NFIA: variants seen among roughly 807,000 people sequenced by gnomAD.
The protein encoded by NFIA is nuclear factor 1 A-type.
In NFIA, 8 loss-of-function variants were observed where a neutral mutation model predicts 62.8. That is an observed-to-expected ratio of 0.13 (90% CI 0.07 to 0.23). The LOEUF is 0.23. Among genes scored for constraint, NFIA ranks in the 10% least tolerant of loss-of-function variants. The probability of loss-of-function intolerance (pLI) is 1.00; values close to 1 mark genes in which losing one functional copy is unlikely to be tolerated. For synonymous variants in NFIA, 235 were observed against 238.1 expected, an observed-to-expected ratio of 0.99 and a Z score of 0.12; for missense variants, 410 against 642.1, an observed-to-expected ratio of 0.64 and a Z score of 3.91.
intron 3 of NFIA, among the ~76,000 whole-genome samples, chr1:61,306,298 A>G (rs1356247115): frequency 8.5e-5 from 2 of 23,534 alleles, no homozygotes; most frequent in Non-Finnish European, 2.1e-4. Flanking sequence ...TTTTTTTAAG[A>G]CAGAGTCTCA....
At chr1:61,330,859 A>G (rs961100734) in intron 3 of NFIA, among the ~76,000 whole-genome samples, 1 of 152,100 alleles carries the variant, frequency 6.6e-6, no homozygotes, top group Admixed American at 6.5e-5. Flanking sequence ...TTATTGTTCT[A>G]TGTGTTTTAA....
intron 2 of NFIA, among the ~76,000 whole-genome samples, chr1:61,175,922 T>C (rs1470607459): frequency 2.0e-5 from 3 of 152,172 alleles, no homozygotes; most frequent in Non-Finnish European, 2.9e-5. Flanking sequence ...GCAAAGACAA[T>C]ACAGCTTGAT....
At chr1:61,349,509 A>G (rs1662432327) in intron 4 of NFIA, among the ~76,000 whole-genome samples, 1 of 152,120 alleles carries the variant, frequency 6.6e-6, no homozygotes, top group South Asian at 2.1e-4. Context: ...GAGTTATCCC[A>G]TACTCCCCTG....
intron 3 of NFIA, among the ~76,000 whole-genome samples, chr1:61,317,206 ATTCT>A (rs976310908): frequency 3.3e-5 from 5 of 152,132 alleles, no homozygotes; most frequent in African/African-American, 1.2e-4. Context: ...GCCATTTTTA[ATTCT>A]TTCTCTATAT....
chr1:61,210,798 T>C (rs1473068282), intron 2 of NFIA, among the ~76,000 whole-genome samples: 1 of 152,212 alleles, frequency 6.6e-6, no homozygotes, highest in Admixed American at 6.5e-5. Flanking sequence ...AGCATTTTTA[T>C]CCCCTTTCCT....
At chr1:61,440,289 C>G (rs1386915570) in intron 10 of NFIA, among the ~76,000 whole-genome samples, 6 of 152,144 alleles carry the variant, frequency 3.9e-5, no homozygotes, top group Admixed American at 3.9e-4. Context: ...TAAGGGGAAT[C>G]CCACTATCAT....
At chr1:61,387,478 T>TTTTTTTTG (rs1664760143) in intron 7 of NFIA, among the ~76,000 whole-genome samples, 1 of 142,810 alleles carries the variant, frequency 7.0e-6, no homozygotes, top group Admixed American at 7.0e-5. Context: ...CTTTTTTTTT[T>TTTTTTTTG]TTTTTTTTTT....
At chr1:61,374,654 C>A (rs531604184) in intron 6 of NFIA, among the ~76,000 whole-genome samples, 1 of 152,246 alleles carries the variant, frequency 6.6e-6, no homozygotes, top group Non-Finnish European at 1.5e-5. Context: ...ACTCCATACT[C>A]CCATTTTTTA....
At chr1:61,089,092 C>G (rs949468039) in intron 2 of NFIA, among the ~76,000 whole-genome samples, 1 of 152,040 alleles carries the variant, frequency 6.6e-6, no homozygotes, top group African/African-American at 2.4e-5. Flanking sequence ...TGTTTTTAAC[C>G]TACTGAGGCC....
chr1:61,116,635 A>G (rs1035466208), intron 2 of NFIA, among the ~76,000 whole-genome samples: 6 of 152,242 alleles, frequency 3.9e-5, no homozygotes, highest in Admixed American at 6.5e-5. Flanking sequence ...GAATTGCCGT[A>G]TAGTCATCAG....
At chr1:61,138,565 G>GTTTATTTA (rs111808933) in intron 2 of NFIA, among the ~76,000 whole-genome samples, 25 of 142,592 alleles carry the variant, frequency 1.8e-4, no homozygotes, top group Middle Eastern at 3.5e-3. Context: ...TTGTTTGTTT[G>GTTTATTTA]TTTATTTATT....
chr1:61,419,529 G>A (rs112598301), intron 9 of NFIA, among the ~76,000 whole-genome samples: 13 of 152,238 alleles, frequency 8.5e-5, no homozygotes, highest in African/African-American at 2.2e-4. Flanking sequence ...AGGTCAAAGC[G>A]TCTCCAGTTG....
chr1:61,128,915 G>GTTTTTTTTTTTTTTTTT (rs10635152), intron 2 of NFIA, among the ~76,000 whole-genome samples: 1 of 74,124 alleles, frequency 1.3e-5, no homozygotes, highest in Non-Finnish European at 2.3e-5. Context: ...GCTTACTTAT[G>GTTTTTTTTTTTTTTTTT]TTTTTTTTTT....
chr1:61,228,719 G>A (rs912804880), intron 2 of NFIA, among the ~76,000 whole-genome samples: 2 of 151,900 alleles, frequency 1.3e-5, no homozygotes, highest in African/African-American at 4.8e-5. Context: ...AAGGTTTTCG[G>A]TGTAATGTTA....
chr1:61,335,260 G>A (rs1285697578), intron 4 of NFIA, among the ~76,000 whole-genome samples: 4 of 152,178 alleles, frequency 2.6e-5, no homozygotes, highest in Admixed American at 6.5e-5. Flanking sequence ...CTGTAGTCAG[G>A]AGACCCCTTT....
At chr1:61,345,045 A>C (rs1315031233) in intron 4 of NFIA, among the ~76,000 whole-genome samples, 3 of 152,196 alleles carry the variant, frequency 2.0e-5, no homozygotes, top group Non-Finnish European at 4.4e-5. Context: ...ATAGCAAACC[A>C]TTTATTAAGA....
At chr1:61,161,577 G>A (rs911310126) in intron 2 of NFIA, among the ~76,000 whole-genome samples, 2 of 118,640 alleles carry the variant, frequency 1.7e-5, no homozygotes, top group African/African-American at 3.2e-5. Context: ...CTAGACATGC[G>A]CCATGTGCAA....
At chr1:61,303,486 C>A (rs753382915) in intron 3 of NFIA, among the ~76,000 whole-genome samples, 5 of 152,140 alleles carry the variant, frequency 3.3e-5, no homozygotes, top group African/African-American at 4.8e-5. Flanking sequence ...TGGCCACAAA[C>A]ACATTGCTAA....
At chr1:61,100,242 C>T (rs1020704345) in intron 2 of NFIA, among the ~76,000 whole-genome samples, 2 of 152,108 alleles carry the variant, frequency 1.3e-5, no homozygotes, top group African/African-American at 2.4e-5. Flanking sequence ...ACTATGGAGA[C>T]GGGAACTTCT....
Sources: allele counts gnomAD v4.1 joint callset (sites outside exome capture counted in the v4.1 genomes callset), GRCh38; gene constraint gnomAD v4.1.1; transcripts MANE v1.5; gene names NCBI Gene and HGNC (gene_info 2026-07-23, HGNC 2026-07-21).